Variants in CDK6 observed in about 807,000 individuals in gnomAD.
CDK6 encodes the protein cyclin-dependent kinase 6.
Under a neutral mutation model 37.1 loss-of-function variants are expected in CDK6, and 6 were observed. The ratio of observed to expected loss-of-function variants is 0.16; its 90% CI spans 0.09 to 0.32. The LOEUF (loss-of-function observed/expected upper bound fraction) is 0.32, where lower values mean the gene tolerates loss of function less well. Among genes scored for constraint, CDK6 ranks in the 10% least tolerant of loss-of-function variants. The pLI is 1.00. For missense variants in CDK6, 224 were observed against 418.9 expected, an observed-to-expected ratio of 0.53 and a Z score of 4.06; for synonymous variants, 160 against 161.3, an observed-to-expected ratio of 0.99 and a Z score of 0.06.
rs1041260712 is a variant in CDK6, at chr7:92,605,810, G to C, written c.*9330C>G. The C allele has an allele frequency of 4.3e-6, 1 of 233,238 alleles. No individual in the cohort carries two copies. The highest frequency in any genetic ancestry group is 8.5e-6 in the Non-Finnish European group (1 of 118,104). The allele number at this position is 233,238 out of a possible 1,614,324, so 14.4% of individuals were successfully genotyped here. ...CAAAAACGTTAGAATAGGTAGGAAG[G>C]TTCTTGCTTTCAGAGAGCTGTGCTG... is the stretch of plus-strand genomic sequence containing the variant. On this transcript the variant is annotated 3_prime_UTR_variant, in exon 8 of 8. Transcript: ENST00000424848.
At chr7:92,773,402 A>G (rs1476513138) in intron 3 of CDK6, among the ~76,000 whole-genome samples, 3 of 152,228 alleles carry the variant, frequency 2.0e-5, no homozygotes, top group Non-Finnish European at 4.4e-5. Flanking sequence ...CACAGATCAT[A>G]CCAAGAGAAT....
chr7:92,784,529 T>A (rs1450302759), intron 2 of CDK6, among the ~76,000 whole-genome samples: 1 of 152,160 alleles, frequency 6.6e-6, no homozygotes, highest in African/African-American at 2.4e-5. Context: ...CCTTAACAGT[T>A]ACCTTCAATC....
chr7:92,688,550 C>G (rs1227523096), intron 4 of CDK6, among the ~76,000 whole-genome samples: 1 of 147,358 alleles, frequency 6.8e-6, no homozygotes, highest in Non-Finnish European at 1.5e-5. Context: ...TCTGTTTGTC[C>G]TCCTCTTGAG....
At chr7:92,727,842 A>C (rs1294166980) in intron 3 of CDK6, among the ~76,000 whole-genome samples, 1 of 152,178 alleles carries the variant, frequency 6.6e-6, no homozygotes, top group Non-Finnish European at 1.5e-5. Context: ...AATAAACAGG[A>C]GTGTGAAAAT....
chr7:92,618,345 C>G, intron 6 of CDK6, 138 bp from the exon 7 acceptor site: 1 of 750,838 alleles, frequency 1.3e-6, no homozygotes, highest in Non-Finnish European at 2.2e-6. Context: ...TTATCACTGG[C>G]AGGGTCTCTG....
intron 4 of CDK6, among the ~76,000 whole-genome samples, chr7:92,700,329 T>C (rs1797814752): frequency 6.6e-6 from 1 of 152,212 alleles, no homozygotes; most frequent in Non-Finnish European, 1.5e-5. Flanking sequence ...AAATTGGAGA[T>C]GATCCTGAAG....
intron 6 of CDK6, among the ~76,000 whole-genome samples, chr7:92,618,957 C>T (rs1387774418): frequency 6.6e-6 from 1 of 152,152 alleles, no homozygotes; most frequent in Non-Finnish European, 1.5e-5. Context: ...CTGCACCTGC[C>T]ACTTACTGGC....
At chr7:92,658,763 T>A (rs1796766518) in intron 5 of CDK6, among the ~76,000 whole-genome samples, 1 of 152,224 alleles carries the variant, frequency 6.6e-6, no homozygotes, top group Admixed American at 6.5e-5. Context: ...CGTTTAAATT[T>A]TTTTAAAATT....
chr7:92,717,235 G>A (rs528365445), intron 4 of CDK6, among the ~76,000 whole-genome samples: 17 of 152,090 alleles, frequency 1.1e-4, no homozygotes, highest in Admixed American at 5.2e-4. Context: ...CCTACTACTT[G>A]GGAGGCTGAG....
intron 3 of CDK6, among the ~76,000 whole-genome samples, chr7:92,764,704 G>GGGTTTGCA (rs1417389929): frequency 6.6e-6 from 1 of 152,120 alleles, no homozygotes; most frequent in Admixed American, 6.5e-5. Flanking sequence ...TGGCACTATG[G>GGGTTTGCA]GGTTTGCAAG....
chr7:92,794,856 G>A (rs1238374638), intron 2 of CDK6, among the ~76,000 whole-genome samples: 1 of 151,796 alleles, frequency 6.6e-6, no homozygotes, highest in African/African-American at 2.4e-5. Flanking sequence ...ATCAGGCTGA[G>A]TAATATTCTT....
chr7:92,773,864 T>C (rs1156674179), intron 3 of CDK6, among the ~76,000 whole-genome samples: 2 of 152,212 alleles, frequency 1.3e-5, no homozygotes, highest in Non-Finnish European at 2.9e-5. Flanking sequence ...AGAATGATGG[T>C]GAATTCTATA....
rs537569810 is a variant in CDK6 at position 92,817,339 on chromosome 7, G to A, written c.233+15752C>T. 2.0e-5 allele frequency among the ~76,000 whole-genome samples: 3 copies of A among 152,088 alleles called. No homozygotes were observed. In the South Asian group the frequency reaches 6.2e-4, roughly 32 times the overall value. ...AGTAGGGTTTATCCCAGGAATGTGAGCTTGGTTTAACTTTCAAAATTCAAT... is the reference window on the plus strand; with the variant it reads ...AGTAGGGTTTATCCCAGGAATGTGAACTTGGTTTAACTTTCAAAATTCAAT... On this transcript the variant is annotated intron_variant, in intron 2 of 7. Transcript: ENST00000424848.
At chr7:92,644,021 G>A (rs1331043816) in intron 5 of CDK6, among the ~76,000 whole-genome samples, 14 of 152,198 alleles carry the variant, frequency 9.2e-5, no homozygotes, top group Non-Finnish European at 2.9e-5. Flanking sequence ...TGCTGTTCAC[G>A]TGGACCCTTA....
Position 92,834,756 on chromosome 7 carries a change from C to A in CDK6, c.-367-1066G>T, listed in dbSNP as rs1376800717. On this transcript the variant is annotated intron_variant, in intron 1 of 7. Coordinates refer to ENST00000424848, the MANE Select transcript of CDK6 (RefSeq NM_001145306.2). The surrounding 1 kb of genome is among the most constrained non-coding windows in gnomAD (Gnocchi z 4.6). The stretch of plus-strand genomic sequence containing the variant: ...TGTCCTCGGGGCCCGGACTCGCGAA[C>A]CTTTTCCCATTCCCAGGACCTCCCC... 6.6e-6 allele frequency among the ~76,000 whole-genome samples: 1 copy of A among 152,020 alleles called. No individual in the cohort carries two copies. The highest frequency in any genetic ancestry group is 2.4e-5 in the African/African-American group (1 of 41,396).
At chr7:92,772,563 C>T (rs1799744021) in intron 3 of CDK6, among the ~76,000 whole-genome samples, 1 of 151,966 alleles carries the variant, frequency 6.6e-6, no homozygotes, top group African/African-American at 2.4e-5. Flanking sequence ...CTTTTAATGT[C>T]ACCTTGTTCA....
chr7:92,687,259 A>G (rs996835340), intron 4 of CDK6, among the ~76,000 whole-genome samples: 2 of 152,210 alleles, frequency 1.3e-5, no homozygotes, highest in African/African-American at 4.8e-5. Context: ...ATCTGCTTCC[A>G]TCTCTGTTAC....
At chr7:92,813,189 A>G (rs1447501322) in intron 2 of CDK6, among the ~76,000 whole-genome samples, 3 of 152,228 alleles carry the variant, frequency 2.0e-5, no homozygotes, top group Non-Finnish European at 4.4e-5. Flanking sequence ...TTAAATCACA[A>G]ATCACTTTAG....
In CDK6 at chr7:92,605,068, A is replaced by G. The variant is rs1247271979; in HGVS notation, c.*10072T>C. 1 of 231,154 alleles carries G rather than the reference A, an allele frequency of 4.3e-6. No individual in the cohort carries two copies. Among genetic ancestry groups the G allele is most frequent in the Non-Finnish European group, 8.6e-6 (1 of 116,886 alleles). The allele number at this position is 231,154 out of a possible 1,614,324, so 14.3% of individuals were successfully genotyped here. On this transcript the variant is annotated 3_prime_UTR_variant, in exon 8 of 8. Coordinates refer to ENST00000424848, the MANE Select transcript of CDK6 (RefSeq NM_001145306.2). ...TTTTTATTATTTTTATTTGCTACCA[A>G]TATTTTTATTGTAAGAAATACAAAA...
Sources: allele counts gnomAD v4.1 joint callset (sites outside exome capture counted in the v4.1 genomes callset), GRCh38; gene constraint gnomAD v4.1.1; non-coding constraint Gnocchi (gnomAD v3.1); transcripts MANE v1.5; gene names NCBI Gene and HGNC (gene_info 2026-07-23, HGNC 2026-07-21).